Variants in NTM observed in about 807,000 individuals in gnomAD.
NTM encodes the protein neurotrimin.
Under a neutral mutation model 42.1 loss-of-function variants are expected in NTM, and 13 were observed. The observed-to-expected ratio is 0.31, with a 90% CI of 0.20 to 0.49. NTM has a LOEUF of 0.49. NTM is among the 20% of genes least tolerant of loss of function. The pLI, the probability that NTM is intolerant of heterozygous loss-of-function variation, is 0.99. For missense variants in NTM, 373 were observed against 452.8 expected (o/e 0.82, Z 1.60); for synonymous variants, 187 against 179.2 (o/e 1.04, Z -0.35).
At chr11:132,007,191 C>T (rs954464166) in intron 2 of NTM, among the ~76,000 whole-genome samples, 22 of 152,358 alleles carry the variant, frequency 1.4e-4, no homozygotes, top group African/African-American at 4.8e-4. Context: ...ACCTACTTAT[C>T]CTGACTGTTA....
chr11:131,723,360 C>T (rs934288496), intron 1 of NTM, among the ~76,000 whole-genome samples: 1 of 152,358 alleles, frequency 6.6e-6, no homozygotes, highest in Admixed American at 6.5e-5. Context: ...CTCTTCCGCT[C>T]AAGCGATGTA....
At chr11:132,041,390 G>C (rs558141757) in intron 2 of NTM, among the ~76,000 whole-genome samples, 1 of 152,326 alleles carries the variant, frequency 6.6e-6, no homozygotes, top group East Asian at 1.9e-4. Flanking sequence ...ATGTGGAAGT[G>C]AAGAATGTTT....
chr11:131,652,797 G>A (rs1237004860), intron 1 of NTM, among the ~76,000 whole-genome samples: 1 of 152,192 alleles, frequency 6.6e-6, no homozygotes, highest in Admixed American at 6.5e-5. Flanking sequence ...CGCTGCAGCA[G>A]GGCAGGAATC....
chr11:131,701,081 G>T (rs1394148880), intron 1 of NTM, among the ~76,000 whole-genome samples: 1 of 152,144 alleles, frequency 6.6e-6, no homozygotes, highest in Non-Finnish European at 1.5e-5. Flanking sequence ...ATATTTCTTT[G>T]TCTTTCTCAG....
At chr11:132,133,034 A>G (rs967447560) in intron 2 of NTM, among the ~76,000 whole-genome samples, 3 of 152,360 alleles carry the variant, frequency 2.0e-5, no homozygotes, top group Non-Finnish European at 2.9e-5. Flanking sequence ...GAATCAGGAG[A>G]TGCTCGCTGT....
intron 1 of NTM, among the ~76,000 whole-genome samples, chr11:131,476,013 A>G (rs1422556337): frequency 6.6e-6 from 1 of 152,068 alleles, no homozygotes; most frequent in African/African-American, 2.4e-5. Context: ...ATATTTGTGG[A>G]AGGAAGGAAG....
chr11:131,924,838 A>G (rs974354442), intron 2 of NTM, among the ~76,000 whole-genome samples: 1 of 152,238 alleles, frequency 6.6e-6, no homozygotes, highest in Non-Finnish European at 1.5e-5. Flanking sequence ...ATCTAATTCA[A>G]TACTCAACCA....
At chr11:132,330,303 C>A in intron 8 of NTM, 118 bp downstream of exon 8, 2 of 1,135,790 alleles carry the variant, frequency 1.8e-6, no homozygotes, top group South Asian at 1.6e-5. Context: ...GCAGAGGGAA[C>A]CCTCCCCCAA....
rs2049044360 is a variant in NTM, at chr11:131,879,033, C to T, written c.83-32531C>T. On this transcript the variant is annotated intron_variant, in intron 1 of 8. Coordinates refer to ENST00000683400, the MANE Select transcript of NTM (RefSeq NM_001352005.2). ...ACTCACTCAGCTTTTGTCATCCATC[C>T]TGACAATGGCTCTTTTTCCTTTCTG... Among the ~76,000 whole-genome samples, 7 of 152,164 alleles carry T rather than the reference C, an allele frequency of 4.6e-5. No homozygotes were observed. In the South Asian group the frequency reaches 1.5e-3, roughly 32 times the overall value.
chr11:131,574,356 C>T (rs1343295284), intron 1 of NTM, among the ~76,000 whole-genome samples: 3 of 152,150 alleles, frequency 2.0e-5, no homozygotes, highest in Admixed American at 6.5e-5. Context: ...GCCCCACTCC[C>T]TTTAATTCTT....
At chr11:132,050,953 G>A (rs1594130651) in intron 2 of NTM, among the ~76,000 whole-genome samples, 2 of 152,342 alleles carry the variant, frequency 1.3e-5, no homozygotes, top group South Asian at 2.1e-4. Flanking sequence ...TGATAAAGAG[G>A]ACTTGATGAA....
At chr11:131,687,451 C>T (rs936024072) in intron 1 of NTM, among the ~76,000 whole-genome samples, 1 of 152,190 alleles carries the variant, frequency 6.6e-6, no homozygotes, top group Admixed American at 6.5e-5. Flanking sequence ...TCCAGGGTCC[C>T]GGCAGAGCCC....
intron 2 of NTM, among the ~76,000 whole-genome samples, chr11:132,088,498 A>C (rs2060009263): frequency 6.6e-6 from 1 of 152,168 alleles, no homozygotes. Flanking sequence ...TTATTAAGTG[A>C]AAAGAAAGCT....
intron 1 of NTM, among the ~76,000 whole-genome samples, chr11:131,881,510 C>CACACACACACACACACACACA (rs67919649): frequency 2.8e-5 from 4 of 145,318 alleles, no homozygotes; most frequent in East Asian, 4.1e-4. Context: ...ACACACACAC[C>CACACACACACACACACACACA]CCCCAAAGCT....
At position 132,002,106 on chromosome 11, in the gene NTM, A is replaced by G. The variant is rs894202290; in HGVS notation, c.167+90458A>G. Among the ~76,000 whole-genome samples, 2 of 152,166 alleles carry G rather than the reference A, an allele frequency of 1.3e-5. No individual in the cohort carries two copies. Among genetic ancestry groups the G allele is most frequent in the African/African-American group, 4.8e-5 (2 of 41,434 alleles). On this transcript the variant is annotated intron_variant, in intron 2 of 8. Coordinates refer to ENST00000683400, the MANE Select transcript of NTM (RefSeq NM_001352005.2). The surrounding 1 kb of genome is among the most constrained non-coding windows in gnomAD (Gnocchi z 4.5). ...TGGAGAGTTGATGCTGTCCATGGCA[A>G]CCGGGGCTGGAAATTATGCTGCCTG...
intron 2 of NTM, among the ~76,000 whole-genome samples, chr11:132,051,122 C>T (rs368076906): frequency 2.0e-5 from 3 of 152,088 alleles, no homozygotes; most frequent in South Asian, 2.1e-4. Flanking sequence ...TGACTTTGGT[C>T]GAGTAACTTA....
At chr11:132,043,833 A>G (rs1427431680) in intron 2 of NTM, among the ~76,000 whole-genome samples, 1 of 152,212 alleles carries the variant, frequency 6.6e-6, no homozygotes, top group Non-Finnish European at 1.5e-5. Context: ...TTTTGGTGGT[A>G]TGAAATATAT....
intron 1 of NTM, among the ~76,000 whole-genome samples, chr11:131,895,821 C>G (rs535348725): frequency 6.6e-6 from 1 of 152,030 alleles, no homozygotes; most frequent in African/African-American, 2.4e-5. Context: ...GTTCTTGAAA[C>G]CTGAATAGGA....
At chr11:132,230,716 G>A (rs1566532713) in intron 4 of NTM, among the ~76,000 whole-genome samples, 1 of 152,190 alleles carries the variant, frequency 6.6e-6, no homozygotes, top group Non-Finnish European at 1.5e-5. Flanking sequence ...AATGCATGCC[G>A]GGGCCTGATA....
Sources: allele counts gnomAD v4.1 joint callset (sites outside exome capture counted in the v4.1 genomes callset), GRCh38; gene constraint gnomAD v4.1.1; non-coding constraint Gnocchi (gnomAD v3.1); transcripts MANE v1.5; gene names NCBI Gene and HGNC (gene_info 2026-07-23, HGNC 2026-07-21).